HECTD3: variants seen among roughly 807,000 people sequenced by gnomAD.
The protein encoded by HECTD3 is E3 ubiquitin-protein ligase HECTD3.
A neutral mutation model predicts 109.3 loss-of-function variants in HECTD3; 72 were observed. That is an observed-to-expected ratio of 0.66 (90% CI 0.54 to 0.80). The LOEUF (loss-of-function observed/expected upper bound fraction) is 0.80. HECTD3 is among the 30% of genes least tolerant of loss of function. The pLI, the probability that HECTD3 is intolerant of heterozygous loss-of-function variation, is 0.00. For synonymous variants in HECTD3, 481 were observed against 471.8 expected, an observed-to-expected ratio of 1.02 and a Z score of -0.25; for missense variants, 1,041 against 1,165.2, an observed-to-expected ratio of 0.89 and a Z score of 1.55.
chr1:45,004,636 C>T lies in HECTD3; in HGVS notation c.2106G>A (p.Leu702=), dbSNP rs368672097. The T allele has an allele frequency of 8.7e-6, 14 of 1,614,066 alleles. No homozygotes were observed. The African/African-American group carries it at 1.9e-4, about 22-fold the overall frequency. The change falls in exon 16 of 21, where the codon CTG becomes CTA. Residue 702 remains leucine (L), a synonymous_variant. Coordinates refer to ENST00000372172, the MANE Select transcript of HECTD3 (RefSeq NM_024602.6). The part of the protein sequence containing the change: ...GYGDRSRFIQ[L]VQKARLEESK... ...TCTCCTCTAGCCGTGCCTTCTGGAC[C>T]AGTTGGATGAAACGAGAACGGTCCC...
intron 4 of HECTD3, 61 bp from the exon 5 acceptor site, chr1:45,009,744 C>T (rs1041601833): frequency 7.3e-7 from 1 of 1,362,594 alleles, no homozygotes; most frequent in Non-Finnish European, 1.0e-6. Context: ...TGGGCTTGTG[C>T]TCTGGGCCAG....
rs979160021 is a variant in HECTD3 at position 45,010,989 on chromosome 1, C to A, written c.269G>T (p.Arg90Leu). 1.4e-6 allele frequency: 2 copies of A among 1,477,858 alleles called. No homozygotes were observed. The highest frequency in any genetic ancestry group is 2.6e-5 in the Admixed American group (1 of 38,386). 91.5% of individuals were successfully genotyped at this position (1,477,858 alleles called of 1,614,324 possible). A position where few individuals can be genotyped will look rare whatever the true frequency, so the allele number is the denominator to read the frequency against. The change falls in exon 1 of 21, where the codon CGC (arginine) becomes CTC (leucine). Residue 90 changes from arginine (R) to leucine (L), a missense_variant. Transcript: ENST00000372172. ...PAPGTGSGPLRAARDSIELRR... is the reference protein window; with the variant it reads ...PAPGTGSGPLLAARDSIELRR... ...GAGCTCAATGCTGTCGCGGGCGGCG[C>A]GGAGGGGCCCGGAGCCGGTACCGGG...
chr1:45,010,501 G>A, intron 2 of HECTD3, 45 bp downstream of exon 2: 1 of 1,609,980 alleles, frequency 6.2e-7, no homozygotes, highest in Non-Finnish European at 8.5e-7. Flanking sequence ...AAGCCCTCCT[G>A]GCCCGGCCTT....
At position 45,003,299 on chromosome 1, in the gene HECTD3, T is replaced by C; in HGVS notation, c.*193A>G. The C allele has an allele frequency of 1.7e-6, 1 of 592,866 alleles. No homozygotes were observed. Among genetic ancestry groups the C allele is most frequent in the South Asian group, 2.0e-5 (1 of 51,098 alleles). The allele number at this position is 592,866 out of a possible 1,614,324, so 36.7% of individuals were successfully genotyped here. On this transcript the variant is annotated 3_prime_UTR_variant, in exon 21 of 21. Coordinates refer to ENST00000372172, the MANE Select transcript of HECTD3 (RefSeq NM_024602.6). The surrounding 1 kb of genome is among the most constrained non-coding windows in gnomAD (Gnocchi z 4.7). ...CAAGCCCCAGCACGGGTAGGGCTTGTGGGTCTGCGGGGCTGGGCCACTAGT... is the reference window on the plus strand; with the variant it reads ...CAAGCCCCAGCACGGGTAGGGCTTGCGGGTCTGCGGGGCTGGGCCACTAGT...
chr1:45,010,717 G>T lies in HECTD3; in HGVS notation c.370-11C>A. The T allele has an allele frequency of 6.5e-7, 1 of 1,538,086 alleles. No individual in the cohort carries two copies. The highest frequency in any genetic ancestry group is 8.7e-7 in the Non-Finnish European group (1 of 1,147,760). On this transcript the variant is annotated splice_polypyrimidine_tract_variant and intron_variant, in intron 1 of 20. Transcript: ENST00000372172. ...CTCTGCCAGCTGCTCCTGCCGGGAC[G>T]CGTAGGATGGGGACAGCCGTCAGGG...
At chr1:45,010,523 C>T in intron 2 of HECTD3, 23 bp downstream of exon 2, 1 of 1,612,934 alleles carries the variant, frequency 6.2e-7, no homozygotes, top group Non-Finnish European at 8.5e-7. Flanking sequence ...TGACAGCCAG[C>T]CCCGCTCCTT....
Position 45,003,550 on chromosome 1 carries a change from C to T in HECTD3, c.2528G>A (p.Arg843His), listed in dbSNP as rs1644708960. The T allele has an allele frequency of 2.5e-6, 4 of 1,614,208 alleles. No individual in the cohort carries two copies. The highest frequency in any genetic ancestry group is 1.1e-5 in the South Asian group (1 of 91,088). The change falls in exon 21 of 21, where the codon CGC becomes CAC. Residue 843 changes from arginine (R) to histidine (H), a missense_variant. This residue lies in a region of HECTD3 where 569 missense variants were observed against 715.3 expected (regional missense o/e 0.80). Coordinates refer to ENST00000372172, the MANE Select transcript of HECTD3 (RefSeq NM_024602.6). This position sits in a 1 kb window ranked among gnomAD's most constrained non-coding sequence, Gnocchi z 4.7. ...ASAKVCEEKL[R>H]YAAYNCVAID... ...GGCCACGCAGTTGTAGGCCGCATAG[C>T]GGAGCTTCTCCTCGCATACCTTGGC... is the stretch of plus-strand genomic sequence containing the variant.
chr1:45,006,633 C>G lies in HECTD3; in HGVS notation c.1725+59G>C, dbSNP rs368080046. The G allele has an allele frequency of 1.3e-3, 1,823 of 1,441,080 alleles. 37 individuals carry two copies. In the South Asian group the frequency reaches 0.021, roughly 17 times the overall value. 89.3% of individuals were successfully genotyped at this position (1,441,080 alleles called of 1,614,324 possible). ...TAGCTCAATCTGGCCCCCTCCTCTG[C>G]CCCCTTTCTAGCTCAATCTGGCACC... On this transcript the variant is annotated intron_variant, in intron 13 of 20. Coordinates refer to ENST00000372172, the MANE Select transcript of HECTD3 (RefSeq NM_024602.6). This position sits in a 1 kb window ranked among gnomAD's most constrained non-coding sequence, Gnocchi z 4.7.
chr1:45,004,489 G>C lies in HECTD3; in HGVS notation c.2142+111C>G, dbSNP rs1401370423. 3 of 1,592,314 alleles carry C rather than the reference G, an allele frequency of 1.9e-6. No homozygotes were observed. The East Asian group carries it at 6.7e-5, about 36-fold the overall frequency. ...CAGAAAGGTGGCACTGAGGAATGGT[G>C]GGGGCCAGAGTTCTTGGAGTACTGG... On this transcript the variant is annotated intron_variant, in intron 16 of 20. Transcript: ENST00000372172.
Position 45,008,505 on chromosome 1 carries a change from GA to G in HECTD3, c.1238+30del, listed in dbSNP as rs1279794154. On this transcript the variant is annotated intron_variant, in intron 8 of 20. Coordinates refer to ENST00000372172, the MANE Select transcript of HECTD3 (RefSeq NM_024602.6). ...CACAAGGCTCAATGTTGGGGGAAGG[GA>G]AGGGCCCATAGGTCCAGGACCACAG... 3.0e-5 allele frequency: 48 copies of G among 1,605,798 alleles called. No homozygotes were observed. The Admixed American group carries it at 8.0e-4, about 27-fold the overall frequency.
rs1644735593 is a variant in HECTD3, at chr1:45,006,409, G to A, written c.1725+283C>T. Among the ~76,000 whole-genome samples the A allele has an allele frequency of 6.6e-6, 1 of 151,690 alleles. No homozygotes were observed. The highest frequency in any genetic ancestry group is 1.5e-5 in the Non-Finnish European group (1 of 67,940). ...CAACCTCCGTCTCCTGGGTTCAAGCGAGTCGCCTGCTTCAGCCTCCCATGT... is the reference window on the plus strand; with the variant it reads ...CAACCTCCGTCTCCTGGGTTCAAGCAAGTCGCCTGCTTCAGCCTCCCATGT... On this transcript the variant is annotated intron_variant, in intron 13 of 20. Transcript: ENST00000372172. The surrounding 1 kb of genome is among the most constrained non-coding windows in gnomAD (Gnocchi z 4.7).
intron 15 of HECTD3, chr1:45,005,474 G>A (rs1355204330): frequency 7.4e-6 from 2 of 270,242 alleles, no homozygotes; most frequent in Admixed American, 9.5e-5. Flanking sequence ...GGAGGAGTGG[G>A]ACATGGTGCC....
chr1:45,010,446 C>A, intron 2 of HECTD3, 100 bp downstream of exon 2: 1 of 1,530,394 alleles, frequency 6.5e-7, no homozygotes, highest in Non-Finnish European at 8.9e-7. Context: ...ACCCTGCCTC[C>A]GCTCCAGTAT....
In HECTD3 at chr1:45,002,934, A is replaced by G. The variant is rs8681; in HGVS notation, c.*558T>C. On this transcript the variant is annotated 3_prime_UTR_variant, in exon 21 of 21. Coordinates refer to ENST00000372172, the MANE Select transcript of HECTD3 (RefSeq NM_024602.6). Reference sequence around the variant, plus strand: ...GAACAGAGCTCACCACATCTCTGGTATGGAGGGAGAGGGGAAAAGAGCAGA... The same window carrying G: ...GAACAGAGCTCACCACATCTCTGGTGTGGAGGGAGAGGGGAAAAGAGCAGA... 109,150 of 158,714 alleles carry G rather than the reference A, an allele frequency of 0.69. 38,281 individuals carry two copies. Among genetic ancestry groups the G allele is most frequent in the Middle Eastern group, 0.77 (232 of 300 alleles). 9.8% of individuals were successfully genotyped at this position (158,714 alleles called of 1,614,324 possible). A position where few individuals can be genotyped will look rare whatever the true frequency, so the allele number is the denominator to read the frequency against.
At chr1:45,005,918 C>A (rs1300844247) in intron 14 of HECTD3, 35 bp from the exon 15 acceptor site, 2 of 1,604,854 alleles carry the variant, frequency 1.2e-6, no homozygotes, top group East Asian at 4.5e-5. Context: ...TCTTCTCACC[C>A]TGAGCTGCCC....
At position 45,006,045 on chromosome 1, in the gene HECTD3, T is replaced by C; in HGVS notation, c.1797A>G (p.Glu599=). ...CAGCCCCCATCAGCTGTCCGATCCA[T>C]TCATACTTGGCAAAGTCTCGGCAGG... is the stretch of plus-strand genomic sequence containing the variant. ...NPSCRDFAKY[E]WIGQLMGAAL... is the part of the protein sequence containing the mutation. Residue 599 remains glutamate (E), a synonymous_variant, in exon 14 of 21, where the codon GAA becomes GAG. Transcript: ENST00000372172. The surrounding 1 kb of genome is among the most constrained non-coding windows in gnomAD (Gnocchi z 4.7). 1.2e-6 allele frequency: 2 copies of C among 1,614,182 alleles called. No individual in the cohort carries two copies. The highest frequency in any genetic ancestry group is 1.7e-6 in the Non-Finnish European group (2 of 1,180,032).
chr1:45,008,366 G>C (rs1569943127), intron 8 of HECTD3, 45 bp from the exon 9 acceptor site: 1 of 1,551,566 alleles, frequency 6.4e-7, no homozygotes, highest in Middle Eastern at 1.7e-4. Flanking sequence ...TAGCATACCT[G>C]TAACACCCCC....
chr1:45,004,926 C>T, intron 15 of HECTD3, 120 bp from the exon 16 acceptor site: 1 of 845,168 alleles, frequency 1.2e-6, no homozygotes, highest in Non-Finnish European at 2.0e-6. Context: ...ATGGAGGCAG[C>T]AGGGAATGAG....
rs1644747575 is a variant in HECTD3 at position 45,007,551 on chromosome 1, C to T, written c.1365G>A (p.Leu455=). 6.2e-7 allele frequency: 1 copy of T among 1,613,570 alleles called. No individual in the cohort carries two copies. Among genetic ancestry groups the T allele is most frequent in the Non-Finnish European group, 8.5e-7 (1 of 1,180,004 alleles). The change falls in exon 10 of 21, where the codon CTG becomes CTA. Residue 455 remains leucine, a synonymous_variant. Coordinates refer to ENST00000372172, the MANE Select transcript of HECTD3 (RefSeq NM_024602.6). ...FLLLSRQRPG[L]VAQCLRDSES... is the part of the protein sequence containing the mutation. ...CAGAGTCACGCAGGCACTGAGCCAC[C>T]AGGCCTGGCCGCTGGCGGGACAGCA...
Sources: gnomAD v4.1 joint callset for allele counts (sites outside exome capture counted in the v4.1 genomes callset) on GRCh38, gnomAD v4.1.1 for gene constraint, gnomAD v4.1.1 regional missense constraint, Gnocchi (gnomAD v3.1) non-coding constraint, MANE v1.5 for transcripts, NCBI Gene and HGNC (gene_info 2026-07-23, HGNC 2026-07-21) for gene names.